The following CRPPA variants were observed in gnomAD, a reference collection of about 807,000 sequenced individuals.
The protein encoded by CRPPA is D-ribitol-5-phosphate cytidylyltransferase.
CRPPA carries 43 observed loss-of-function variants against 52.0 expected under a neutral mutation model. The ratio of observed to expected loss-of-function variants is 0.83; its 90% confidence interval spans 0.65 to 1.07. CRPPA has a LOEUF of 1.07. Among genes scored for constraint, CRPPA ranks in the 50% least tolerant of loss-of-function variants. CRPPA has a pLI of 0.00. For missense variants in CRPPA, 629 were observed against 551.7 expected (o/e 1.14, Z -1.40); for synonymous variants, 250 against 203.5 (o/e 1.23, Z -1.94).
chr7:16,106,120 C>T (rs1280444442), intron 9 of CRPPA, among the ~76,000 whole-genome samples: 1 of 152,044 alleles, frequency 6.6e-6, no homozygotes, highest in Admixed American at 6.6e-5. Flanking sequence ...TCAGGGGTTC[C>T]ACCCAGCCTA....
chr7:16,230,065 T>C (rs79531512), intron 8 of CRPPA, among the ~76,000 whole-genome samples: 3,687 of 152,232 alleles, frequency 0.024, 120 homozygotes, highest in African/African-American at 0.081. Flanking sequence ...GCTTTCAGGA[T>C]CTTCTTAGTC....
intron 2 of CRPPA, among the ~76,000 whole-genome samples, chr7:16,380,926 C>A (rs1787068424): frequency 6.6e-6 from 1 of 151,656 alleles, no homozygotes; most frequent in Non-Finnish European, 1.5e-5. Flanking sequence ...TTTTGTTGAT[C>A]CTTTCAAAAA....
intron 3 of CRPPA, among the ~76,000 whole-genome samples, chr7:16,308,919 C>T (rs1010261290): frequency 1.4e-4 from 22 of 152,118 alleles, no homozygotes; most frequent in Admixed American, 3.9e-4. Context: ...ACTTTGTTTC[C>T]TTTGCTTATA....
chr7:16,194,496 A>G (rs1353856246), intron 9 of CRPPA, among the ~76,000 whole-genome samples: 2 of 152,180 alleles, frequency 1.3e-5, no homozygotes, highest in Non-Finnish European at 2.9e-5. Flanking sequence ...GCAAGAAACT[A>G]AAATCTGTCA....
chr7:16,315,948 A>G (rs907827226), intron 3 of CRPPA, among the ~76,000 whole-genome samples: 44 of 144,356 alleles, frequency 3.0e-4, no homozygotes, highest in African/African-American at 1.3e-3. Flanking sequence ...AAAGATATGA[A>G]AAGTTTATTT....
At chr7:16,098,829 C>T (rs1216413769) in intron 9 of CRPPA, among the ~76,000 whole-genome samples, 1 of 152,138 alleles carries the variant, frequency 6.6e-6, no homozygotes, top group South Asian at 2.1e-4. Flanking sequence ...GCCAAAACTG[C>T]AGGAAAAAGC....
chr7:16,163,402 T>C (rs1562533554), intron 9 of CRPPA, among the ~76,000 whole-genome samples: 1 of 152,154 alleles, frequency 6.6e-6, no homozygotes, highest in African/African-American at 2.4e-5. Context: ...TTTGAGCCTA[T>C]GTGTGTCTTT....
intron 3 of CRPPA, among the ~76,000 whole-genome samples, chr7:16,337,611 G>A (rs1244546140): frequency 2.0e-5 from 3 of 151,654 alleles, no homozygotes; most frequent in African/African-American, 7.3e-5. Flanking sequence ...CTGTTTTTTT[G>A]CAAATTAGAA....
At chr7:16,105,035 C>T (rs571710176) in intron 9 of CRPPA, among the ~76,000 whole-genome samples, 101 of 151,914 alleles carry the variant, frequency 6.6e-4, no homozygotes, top group Admixed American at 8.5e-4. Context: ...AAAACAGTGA[C>T]AGAAACATCA....
chr7:16,216,096 C>G lies in CRPPA; in HGVS notation c.1221G>C (p.Leu407Phe), dbSNP rs1450831122. The G allele has an allele frequency of 1.2e-6, 2 of 1,600,508 alleles. No individual in the cohort carries two copies. Among genetic ancestry groups the G allele is most frequent in the African/African-American group, 1.3e-5 (1 of 74,432 alleles). The change falls in exon 9 of 10, where the codon TTG (leucine) becomes TTC (phenylalanine). Residue 407 changes from leucine (L) to phenylalanine (F), a missense_variant. Coordinates refer to ENST00000407010, the MANE Select transcript of CRPPA (RefSeq NM_001101426.4). ...GGTAAGATATGAGAAGCCCATATAA[C>G]AAAATATTTCTTTCTTTTACTTCCT... is the stretch of plus-strand genomic sequence containing the variant. ...FAKEVKERNILLYGLLISYPQ... is the reference protein window; with the variant it reads ...FAKEVKERNIFLYGLLISYPQ...
intron 3 of CRPPA, among the ~76,000 whole-genome samples, chr7:16,311,750 T>C (rs1785039110): frequency 6.6e-6 from 1 of 152,110 alleles, no homozygotes; most frequent in Admixed American, 6.6e-5. Context: ...GCATTTTAAG[T>C]TTTACATTTA....
chr7:16,206,154 G>T (rs1295343622), intron 9 of CRPPA, among the ~76,000 whole-genome samples: 1 of 151,992 alleles, frequency 6.6e-6, no homozygotes, highest in Non-Finnish European at 1.5e-5. Flanking sequence ...TTTAGTGACT[G>T]GTATATTTTC....
In CRPPA at chr7:16,278,666, A is replaced by G. The variant is rs180970933; in HGVS notation, c.836-440T>C. Among the ~76,000 whole-genome samples, 95 of 152,340 alleles carry G rather than the reference A, an allele frequency of 6.2e-4. 2 individuals are homozygous for G. The highest frequency in any genetic ancestry group is 2.3e-3 in the African/African-American group (94 of 41,586). ...AATGTGCCATCCAGTGCCTTGGTTA[A>G]GTACATTGTGTTCCTTGACATTCCT... On this transcript the variant is annotated intron_variant, in intron 5 of 9. Transcript: ENST00000407010.
At chr7:16,354,157 G>C (rs1345281553) in intron 3 of CRPPA, among the ~76,000 whole-genome samples, 1 of 152,132 alleles carries the variant, frequency 6.6e-6, no homozygotes, top group African/African-American at 2.4e-5. Flanking sequence ...GACACAATTT[G>C]ATTGTGACAA....
At chr7:16,420,172 A>G (rs1788291847) in intron 1 of CRPPA, among the ~76,000 whole-genome samples, 1 of 152,174 alleles carries the variant, frequency 6.6e-6, no homozygotes, top group South Asian at 2.1e-4. Context: ...AATGTATGCT[A>G]AAGGATGACA....
intron 6 of CRPPA, among the ~76,000 whole-genome samples, chr7:16,273,538 C>G (rs1339188564): frequency 6.6e-6 from 1 of 151,964 alleles, no homozygotes; most frequent in East Asian, 1.9e-4. Flanking sequence ...GACCACCTTT[C>G]CACTCCATCC....
At chr7:16,108,512 G>C (rs969267588) in intron 9 of CRPPA, among the ~76,000 whole-genome samples, 1 of 151,550 alleles carries the variant, frequency 6.6e-6, no homozygotes, top group Non-Finnish European at 1.5e-5. Context: ...TAATAGTAGG[G>C]GACAACAATA....
At chr7:16,192,864 C>T (rs1781643171) in intron 9 of CRPPA, among the ~76,000 whole-genome samples, 1 of 152,096 alleles carries the variant, frequency 6.6e-6, no homozygotes, top group African/African-American at 2.4e-5. Flanking sequence ...TGTCAAAAAT[C>T]AGTTGTCTAT....
At chr7:16,235,520 C>T (rs1488949052) in intron 8 of CRPPA, among the ~76,000 whole-genome samples, 1 of 152,040 alleles carries the variant, frequency 6.6e-6, no homozygotes, top group Non-Finnish European at 1.5e-5. Flanking sequence ...GGAATACAGC[C>T]ATACCCATTC....
Sources: gnomAD v4.1 joint callset for allele counts (sites outside exome capture counted in the v4.1 genomes callset) on GRCh38, gnomAD v4.1.1 for gene constraint, MANE v1.5 for transcripts, NCBI Gene and HGNC (gene_info 2026-07-23, HGNC 2026-07-21) for gene names.